ADGRG5: variants seen among roughly 807,000 people sequenced by gnomAD.
ADGRG5 encodes G protein-coupled receptor 114.
ADGRG5 carries 37 observed loss-of-function variants against 53.2 expected under a neutral mutation model. That is an observed-to-expected ratio of 0.70 (90% CI 0.53 to 0.91). The LOEUF (loss-of-function observed/expected upper bound fraction) is 0.91, where lower values mean the gene tolerates loss of function less well. Among genes scored for constraint, ADGRG5 ranks in the 40% least tolerant of loss-of-function variants. ADGRG5 has a pLI of 0.00. For synonymous variants in ADGRG5, 277 were observed against 290.4 expected (o/e 0.95, Z 0.47); for missense variants, 614 against 675.8 (o/e 0.91, Z 1.01).
At chr16:57,553,010 A>G (rs1451955670) in intron 1 of ADGRG5, among the ~76,000 whole-genome samples, 1 of 152,182 alleles carries the variant, frequency 6.6e-6, no homozygotes, top group Non-Finnish European at 1.5e-5. Flanking sequence ...ACATACATTT[A>G]TTGGTTAAGT....
chr16:57,543,475 ATT>A (rs1197696549), intron 1 of ADGRG5, among the ~76,000 whole-genome samples: 1 of 151,460 alleles, frequency 6.6e-6, no homozygotes, highest in Admixed American at 6.6e-5. Context: ...TAGAGGCGGG[ATT>A]TCGCCACTTT....
At chr16:57,562,939 T>C in intron 3 of ADGRG5, 152 bp from the exon 4 acceptor site, 1 of 688,500 alleles carries the variant, frequency 1.5e-6, no homozygotes, top group East Asian at 2.7e-5. Flanking sequence ...GAGGTAACAG[T>C]GTGCCAAGGA....
chr16:57,531,626 T>C, the ADGRG5 span, among the ~76,000 whole-genome samples: 1 of 152,104 alleles, frequency 6.6e-6, no homozygotes, highest in African/African-American at 2.4e-5. Flanking sequence ...CTAGCCTCAA[T>C]TCTAAGGTTA....
intron 9 of ADGRG5, among the ~76,000 whole-genome samples, chr16:57,570,017 A>C (rs74246291): frequency 0.059 from 4,584 of 77,850 alleles, 126 homozygotes; most frequent in Non-Finnish European, 0.073. Flanking sequence ...ATCACCACCT[A>C]CTCCACCTCC....
the ADGRG5 span, among the ~76,000 whole-genome samples, chr16:57,530,175 A>C: frequency 1.3e-5 from 2 of 151,936 alleles, no homozygotes; most frequent in Non-Finnish European, 2.9e-5. Context: ...CTCTGCCGGA[A>C]CCACCCCTCC....
Position 57,562,692 on chromosome 16 carries a change from T to G in ADGRG5, c.140+233T>G, listed in dbSNP as rs576269681. The G allele has an allele frequency of 5.3e-6, 3 of 564,258 alleles. No homozygotes were observed. In the East Asian group the frequency reaches 8.9e-5, roughly 17 times the overall value. 35.0% of individuals were successfully genotyped at this position (564,258 alleles called of 1,614,324 possible). A position where few individuals can be genotyped will look rare whatever the true frequency, so the allele number is the denominator to read the frequency against. ...TGTCATGACACTAAGTGCAGAATTA[T>G]GGGTCTCCATGCATTTTCCTGGGAA... On this transcript the variant is annotated intron_variant, in intron 3 of 11. Coordinates refer to ENST00000349457, the MANE Select transcript of ADGRG5 (RefSeq NM_001304376.3).
chr16:57,554,661 C>T, intron 1 of ADGRG5, among the ~76,000 whole-genome samples: 1 of 152,166 alleles, frequency 6.6e-6, no homozygotes, highest in Non-Finnish European at 1.5e-5. Flanking sequence ...CAGGTGTGAG[C>T]CACCACGCTC....
At chr16:57,569,167 T>A (rs1420239306) in intron 9 of ADGRG5, among the ~76,000 whole-genome samples, 1 of 148,506 alleles carries the variant, frequency 6.7e-6, no homozygotes, top group African/African-American at 2.5e-5. Context: ...CTCCTCCACC[T>A]TCATCACCAT....
the ADGRG5 span, among the ~76,000 whole-genome samples, chr16:57,537,054 A>G: frequency 6.6e-6 from 1 of 152,184 alleles, no homozygotes; most frequent in South Asian, 2.1e-4. Flanking sequence ...GTACAACAGA[A>G]GGGTTGACGA....
At chr16:57,541,519 G>A (rs2032489933), upstream of ADGRG5, among the ~76,000 whole-genome samples, 2 of 152,204 alleles carry the variant, frequency 1.3e-5, no homozygotes, top group Admixed American at 6.5e-5. Context: ...GGACCTGGCT[G>A]CCCTCCAAGG....
chr16:57,536,026 G>A, the ADGRG5 span, among the ~76,000 whole-genome samples: 1 of 152,190 alleles, frequency 6.6e-6, no homozygotes, highest in Admixed American at 6.5e-5. Flanking sequence ...GGAGGGTGGA[G>A]GGGGTTCCCG....
chr16:57,562,307 G>A, intron 2 of ADGRG5, 77 bp from the exon 3 acceptor site: 1 of 1,445,514 alleles, frequency 6.9e-7, no homozygotes, highest in South Asian at 1.2e-5. Flanking sequence ...GACTCTCAGG[G>A]TGGGATGGAA....
chr16:57,541,301 G>A (rs1481090764), upstream of ADGRG5, among the ~76,000 whole-genome samples: 1 of 152,220 alleles, frequency 6.6e-6, no homozygotes, highest in East Asian at 1.9e-4. Context: ...CATGAGGAAG[G>A]AGGAGGTTGG....
In ADGRG5 at chr16:57,564,884, A is replaced by AAGGCTGGG. The variant is rs373712802; in HGVS notation, c.430-135_430-128dup. 1,322 of 586,114 alleles carry AAGGCTGGG rather than the reference A, an allele frequency of 2.3e-3. 14 individuals carry two copies. The African/African-American group carries it at 0.029, about 13-fold the overall frequency. The allele number at this position is 586,114 out of a possible 1,614,324, so 36.3% of individuals were successfully genotyped here. ...CACATGCAAAGGCTGGGAGGCTGGG[A>AAGGCTGGG]AGGCTGGGAGGCTGGGAGGCTGAGA... On this transcript the variant is annotated intron_variant, in intron 5 of 11. Transcript: ENST00000349457.
chr16:57,548,733 T>C (rs1423963831), intron 1 of ADGRG5, among the ~76,000 whole-genome samples: 1 of 151,980 alleles, frequency 6.6e-6, no homozygotes, highest in Non-Finnish European at 1.5e-5. Flanking sequence ...TTTTTTTTTT[T>C]TTTTGGCTCA....
the ADGRG5 span, among the ~76,000 whole-genome samples, chr16:57,532,450 T>A: frequency 3.9e-5 from 6 of 152,166 alleles, no homozygotes; most frequent in African/African-American, 1.4e-4. Context: ...GTGAGCTGGC[T>A]GGCCTTGATG....
Position 57,574,701 on chromosome 16 carries a change from G to A in ADGRG5, c.1209-114G>A. ...GGGGTTTCACTGTGTGTTCAGTCAG[G>A]CAAGAAACAATAGGGCCTGAGCCAG... is the stretch of plus-strand genomic sequence containing the variant. On this transcript the variant is annotated intron_variant, in intron 10 of 11. Coordinates refer to ENST00000349457, the MANE Select transcript of ADGRG5 (RefSeq NM_001304376.3). The surrounding 1 kb of genome is among the most constrained non-coding windows in gnomAD (Gnocchi z 4.4). 1 of 1,201,020 alleles carries A rather than the reference G, an allele frequency of 8.3e-7. No individual in the cohort carries two copies. The allele number at this position is 1,201,020 out of a possible 1,614,324, so 74.4% of individuals were successfully genotyped here.
chr16:57,568,220 A>G (rs1178268203), intron 9 of ADGRG5, 96 bp downstream of exon 9: 1 of 1,289,238 alleles, frequency 7.8e-7, no homozygotes, highest in Non-Finnish European at 1.1e-6. Context: ...TCATCGTCAT[A>G]GTGGCCATTA....
chr16:57,532,765 T>C, the ADGRG5 span, among the ~76,000 whole-genome samples: 1 of 151,708 alleles, frequency 6.6e-6, no homozygotes, highest in Non-Finnish European at 1.5e-5. Context: ...CTCCTTTTCC[T>C]GGCCTAGCTC....
Sources: gnomAD v4.1 joint callset for allele counts (sites outside exome capture counted in the v4.1 genomes callset) on GRCh38, gnomAD v4.1.1 for gene constraint, Gnocchi (gnomAD v3.1) non-coding constraint, MANE v1.5 for transcripts, NCBI Gene and HGNC (gene_info 2026-07-23, HGNC 2026-07-21) for gene names.